The following ZFPM2 variants were observed in gnomAD, a reference collection of about 807,000 sequenced individuals.
ZFPM2 encodes the protein zinc finger protein, FOG family member 2, also known as zinc finger protein ZFPM2.
In ZFPM2, 20 loss-of-function variants were observed where a neutral mutation model predicts 98.6. That is an observed-to-expected ratio of 0.20 (90% CI 0.14 to 0.29). The LOEUF (loss-of-function observed/expected upper bound fraction) is 0.29. ZFPM2 is among the 10% of genes least tolerant of loss of function. The pLI is 1.00. For synonymous variants in ZFPM2, 518 were observed against 502.7 expected (o/e 1.03, Z -0.41); for missense variants, 1,310 against 1,388.6 (o/e 0.94, Z 0.90).
intron 5 of ZFPM2, among the ~76,000 whole-genome samples, chr8:105,722,393 G>A (rs1190430311): frequency 1.3e-5 from 2 of 151,630 alleles, no homozygotes; most frequent in South Asian, 2.1e-4. Flanking sequence ...ATTGACCTTT[G>A]AACACCTGGA....
At chr8:105,604,027 C>G (rs757536788) in intron 4 of ZFPM2, among the ~76,000 whole-genome samples, 1 of 151,978 alleles carries the variant, frequency 6.6e-6, no homozygotes, top group Non-Finnish European at 1.5e-5. Context: ...TTTAAATCCC[C>G]GCCCGAATCT....
intron 7 of ZFPM2, among the ~76,000 whole-genome samples, chr8:105,800,703 A>G (rs1192107722): frequency 1.3e-5 from 2 of 152,128 alleles, no homozygotes; most frequent in Admixed American, 6.5e-5. Context: ...AGTAATTATA[A>G]AATCCAAGGC....
At chr8:105,626,458 A>G (rs1257548678) in intron 4 of ZFPM2, among the ~76,000 whole-genome samples, 1 of 152,178 alleles carries the variant, frequency 6.6e-6, no homozygotes, top group East Asian at 1.9e-4. Context: ...ACATTAACTG[A>G]AACTTTTGCT....
At chr8:105,481,013 G>T (rs1813105748) in intron 3 of ZFPM2, among the ~76,000 whole-genome samples, 1 of 152,122 alleles carries the variant, frequency 6.6e-6, no homozygotes, top group Admixed American at 6.5e-5. Context: ...GCCTCCCAAA[G>T]TGCTGGGATT....
intron 5 of ZFPM2, among the ~76,000 whole-genome samples, chr8:105,677,575 G>GT (rs571998284): frequency 2.7e-3 from 387 of 144,158 alleles, no homozygotes; most frequent in African/African-American, 8.0e-3. Flanking sequence ...ATTGTAGAGG[G>GT]TTTTTTTTTT....
At chr8:105,680,662 T>C (rs1484786320) in intron 5 of ZFPM2, among the ~76,000 whole-genome samples, 2 of 152,248 alleles carry the variant, frequency 1.3e-5, no homozygotes, top group African/African-American at 4.8e-5. Flanking sequence ...CAGTGATATT[T>C]TGGAGAAACT....
intron 5 of ZFPM2, among the ~76,000 whole-genome samples, chr8:105,705,932 A>G (rs1299484221): frequency 2.6e-5 from 4 of 152,198 alleles, no homozygotes; most frequent in Non-Finnish European, 5.9e-5. Flanking sequence ...GAAATGTGGA[A>G]TAAGTTACCC....
At position 105,318,917 on chromosome 8, in the gene ZFPM2, C is replaced by G; in HGVS notation, c.-25C>G. On this transcript the variant is annotated 5_prime_UTR_variant, in exon 1 of 8. Coordinates refer to ENST00000407775, the MANE Select transcript of ZFPM2 (RefSeq NM_012082.4). ...CCGCGACCGCGGGCACCGCGGGAGC[C>G]CCAGCGGCAGCAGCCGCCGCCGAGA... 1 of 1,394,560 alleles carries G rather than the reference C, an allele frequency of 7.2e-7. No individual in the cohort carries two copies. The highest frequency in any genetic ancestry group is 9.5e-7 in the Non-Finnish European group (1 of 1,057,136). The allele number at this position is 1,394,560 out of a possible 1,614,324, so 86.4% of individuals were successfully genotyped here. A position where few individuals can be genotyped will look rare whatever the true frequency, so the allele number is the denominator to read the frequency against.
At chr8:105,419,070 G>A in intron 1 of ZFPM2, 74 bp from the exon 2 acceptor site, 1 of 1,438,198 alleles carries the variant, frequency 7.0e-7, no homozygotes, top group Non-Finnish European at 9.5e-7. Flanking sequence ...AACAAAAAAA[G>A]GCTCTATTTA....
chr8:105,655,547 A>G (rs1299168278), intron 5 of ZFPM2, among the ~76,000 whole-genome samples: 1 of 152,188 alleles, frequency 6.6e-6, no homozygotes, highest in Non-Finnish European at 1.5e-5. Context: ...ATGGAGTCTT[A>G]ACATTAGAAA....
intron 1 of ZFPM2, among the ~76,000 whole-genome samples, chr8:105,320,263 T>C (rs1389002088): frequency 6.8e-6 from 1 of 148,046 alleles, no homozygotes; most frequent in Non-Finnish European, 1.5e-5. Context: ...TCTTTGTGTG[T>C]GTGTGTGTGT....
chr8:105,425,465 G>C (rs1811889409), intron 2 of ZFPM2, among the ~76,000 whole-genome samples: 1 of 152,156 alleles, frequency 6.6e-6, no homozygotes, highest in Non-Finnish European at 1.5e-5. Flanking sequence ...AGGATGATAT[G>C]AGTCACTTTG....
chr8:105,657,979 G>T (rs1817317132), intron 5 of ZFPM2, among the ~76,000 whole-genome samples: 1 of 152,116 alleles, frequency 6.6e-6, no homozygotes, highest in East Asian at 1.9e-4. Flanking sequence ...ACTCATTCAT[G>T]TTTTTTTGTG....
chr8:105,668,794 G>A (rs1187900648), intron 5 of ZFPM2, among the ~76,000 whole-genome samples: 2 of 152,092 alleles, frequency 1.3e-5, no homozygotes, highest in African/African-American at 4.8e-5. Flanking sequence ...CAACATTGAG[G>A]TGAGATTACT....
chr8:105,365,680 G>C (rs1810491995), intron 1 of ZFPM2, among the ~76,000 whole-genome samples: 1 of 152,098 alleles, frequency 6.6e-6, no homozygotes, highest in Non-Finnish European at 1.5e-5. Context: ...AAACCATATT[G>C]CTTAGCGGGG....
At chr8:105,582,497 T>C (rs1270047771) in intron 4 of ZFPM2, among the ~76,000 whole-genome samples, 2 of 152,166 alleles carry the variant, frequency 1.3e-5, no homozygotes, top group African/African-American at 2.4e-5. Flanking sequence ...CAGTAAAGAA[T>C]AATCTGGCCC....
At chr8:105,523,984 T>G (rs1354243966) in intron 3 of ZFPM2, among the ~76,000 whole-genome samples, 2 of 152,176 alleles carry the variant, frequency 1.3e-5, no homozygotes, top group Non-Finnish European at 2.9e-5. Context: ...TGAGCAAGTC[T>G]CTAAAATCTG....
intron 4 of ZFPM2, among the ~76,000 whole-genome samples, chr8:105,573,021 G>T (rs368779325): frequency 6.6e-6 from 1 of 152,038 alleles, no homozygotes; most frequent in South Asian, 2.1e-4. Flanking sequence ...ACAACTTGTC[G>T]CAGGCATAAT....
chr8:105,341,606 G>A (rs1361314818), intron 1 of ZFPM2, among the ~76,000 whole-genome samples: 1 of 151,760 alleles, frequency 6.6e-6, no homozygotes, highest in Non-Finnish European at 1.5e-5. Flanking sequence ...ATATATATAT[G>A]TATTTCCCTG....
Sources: gnomAD v4.1 joint callset for allele counts (sites outside exome capture counted in the v4.1 genomes callset) on GRCh38, gnomAD v4.1.1 for gene constraint, MANE v1.5 for transcripts, NCBI Gene and HGNC (gene_info 2026-07-23, HGNC 2026-07-21) for gene names.